NFASC: variants seen among roughly 807,000 people sequenced by gnomAD.
NFASC encodes the protein neurofascin.
Under a neutral mutation model 147.5 loss-of-function variants are expected in NFASC, and 43 were observed. That is an observed-to-expected ratio of 0.29 (90% CI 0.23 to 0.38). The LOEUF (loss-of-function observed/expected upper bound fraction) is 0.38, where lower values mean the gene tolerates loss of function less well. NFASC is among the 10% of genes least tolerant of loss of function. The probability of loss-of-function intolerance (pLI) is 1.00; values close to 1 mark genes in which losing one functional copy is unlikely to be tolerated. For synonymous variants in NFASC, 622 were observed against 665.5 expected (o/e 0.93, Z 1.01); for missense variants, 1,320 against 1,689.0 (o/e 0.78, Z 3.83).
At chr1:204,933,092 T>C (rs1471214619) in intron 2 of NFASC, among the ~76,000 whole-genome samples, 2 of 152,172 alleles carry the variant, frequency 1.3e-5, no homozygotes, top group African/African-American at 2.4e-5. Flanking sequence ...CCTTGAGTGC[T>C]GCACTCAGAA....
intron 3 of NFASC, 58 bp downstream of exon 3, chr1:204,944,464 A>C: frequency 2.7e-6 from 1 of 376,420 alleles, no homozygotes; most frequent in Non-Finnish European, 5.3e-6. Context: ...GAGGGGTGGG[A>C]GGGGAGGGAA....
In NFASC at chr1:204,869,563, G is replaced by C. The variant is rs948295584; in HGVS notation, c.-200+40781G>C. The stretch of plus-strand genomic sequence containing the variant: ...ATGAGAGTATTAAGAGTACAGGCCA[G>C]TTTCTTAGCATTTACCATATGTATT... On this transcript the variant is annotated intron_variant, in intron 1 of 29. Transcript: ENST00000339876. Among the ~76,000 whole-genome samples, 8 of 152,222 alleles carry C rather than the reference G, an allele frequency of 5.3e-5. 1 individual carries two copies. The highest frequency in any genetic ancestry group is 7.2e-5 in the African/African-American group (3 of 41,534).
chr1:204,859,100 C>G (rs989151358), intron 1 of NFASC, among the ~76,000 whole-genome samples: 1 of 152,024 alleles, frequency 6.6e-6, no homozygotes, highest in Non-Finnish European at 1.5e-5. Context: ...ACCTCAGTCT[C>G]TTGGGTAGCT....
rs1031888667 is a variant in NFASC at position 205,001,077 on chromosome 1, G to A, written c.3020-93G>A. On this transcript the variant is annotated intron_variant, in intron 25 of 29. Coordinates refer to ENST00000339876, the MANE Select transcript of NFASC (RefSeq NM_001005388.3). ...TGCGTGCGCGAGTGTGGGCATGTGC[G>A]TGCATGCACACGCTTGTGTGTATGT... The A allele has an allele frequency of 8.6e-5, 65 of 753,148 alleles. No individual in the cohort carries two copies. The East Asian group carries it at 8.8e-4, about 10-fold the overall frequency. 46.7% of individuals were successfully genotyped at this position (753,148 alleles called of 1,614,324 possible). A position where few individuals can be genotyped will look rare whatever the true frequency, so the allele number is the denominator to read the frequency against.
chr1:204,939,220 G>T (rs2093160818), intron 2 of NFASC, among the ~76,000 whole-genome samples: 1 of 151,828 alleles, frequency 6.6e-6, no homozygotes, highest in Admixed American at 6.6e-5. Flanking sequence ...CTCTCCCCCT[G>T]CCCCCTGCAA....
intron 7 of NFASC, among the ~76,000 whole-genome samples, chr1:204,957,077 G>A (rs1010522640): frequency 6.6e-6 from 1 of 152,162 alleles, no homozygotes; most frequent in African/African-American, 2.4e-5. Flanking sequence ...ATAATCAGTA[G>A]TGCTTTCTTC....
At position 205,009,600 on chromosome 1, in the gene NFASC, C is replaced by T; in HGVS notation, c.3333C>T (p.Phe1111=). 1.2e-6 allele frequency: 2 copies of T among 1,614,172 alleles called. No homozygotes were observed. Among genetic ancestry groups the T allele is most frequent in the Non-Finnish European group, 1.7e-6 (2 of 1,180,010 alleles). Residue 1111 remains phenylalanine, a synonymous_variant, in exon 28 of 30, where the codon TTC becomes TTT. Transcript: ENST00000339876. ...NQADIATQGW[F]IGLMCAIALL... is the part of the protein sequence containing the mutation. ...CGGACATCGCCACCCAGGGCTGGTT[C>T]ATTGGGCTTATGTGCGCCATCGCCC...
At chr1:204,956,456 C>T (rs2094436680) in intron 7 of NFASC, among the ~76,000 whole-genome samples, 1 of 152,222 alleles carries the variant, frequency 6.6e-6, no homozygotes, top group South Asian at 2.1e-4. Context: ...CTCAGCTCCC[C>T]TGTCTTTTCT....
intron 21 of NFASC, among the ~76,000 whole-genome samples, chr1:204,983,155 C>T (rs2095541118): frequency 6.6e-6 from 1 of 152,184 alleles, no homozygotes; most frequent in Non-Finnish European, 1.5e-5. Flanking sequence ...CGCTTCTACC[C>T]TGCGGCCCAC....
chr1:204,947,644 C>A lies in NFASC; in HGVS notation c.92-2913C>A, dbSNP rs149581013. Among the ~76,000 whole-genome samples, 720 of 130,132 alleles carry A rather than the reference C, an allele frequency of 5.5e-3. 9 individuals are homozygous for A. The highest frequency in any genetic ancestry group is 0.012 in the South Asian group (44 of 3,596). 85.4% of individuals were successfully genotyped at this position (130,132 alleles called of 152,430 possible). A position where few individuals can be genotyped will look rare whatever the true frequency, so the allele number is the denominator to read the frequency against. On this transcript the variant is annotated intron_variant, in intron 3 of 29. Transcript: ENST00000339876. ...CCTCCCTCCCTCCTTCCCTCCCTATCCAGCCCCAAGGAGAACAGTATGACC... is the reference window on the plus strand; with the variant it reads ...CCTCCCTCCCTCCTTCCCTCCCTATACAGCCCCAAGGAGAACAGTATGACC...
chr1:204,977,960 C>G (rs1300851627), intron 17 of NFASC, among the ~76,000 whole-genome samples: 3 of 152,216 alleles, frequency 2.0e-5, no homozygotes, highest in Admixed American at 1.3e-4. Flanking sequence ...TGTTTTACCC[C>G]ATCCCTTGCC....
chr1:204,969,968 C>G (rs2095165489), intron 10 of NFASC, among the ~76,000 whole-genome samples: 1 of 148,896 alleles, frequency 6.7e-6, no homozygotes, highest in African/African-American at 2.5e-5. Flanking sequence ...CTCAGCTACT[C>G]AAGAAGCTGA....
chr1:204,966,206 T>C (rs1229393978), intron 8 of NFASC, among the ~76,000 whole-genome samples: 1 of 152,168 alleles, frequency 6.6e-6, no homozygotes, highest in Non-Finnish European at 1.5e-5. Context: ...ACAGCTACAG[T>C]GTGTCAAGGC....
At position 204,968,299 on chromosome 1, in the gene NFASC, G is replaced by A. The variant is rs535350909; in HGVS notation, c.757G>A (p.Ala253Thr). ...AAGCTTCATGTATCCCCAGGGCACC[G>A]CGAGCAGCCAGATGGTGCTTCGTGG... ...TPSFMYPQGTASSQMVLRGMD... is the reference protein window; with the variant it reads ...TPSFMYPQGTTSSQMVLRGMD... The change falls in exon 9 of 30, where the codon GCG (alanine) becomes ACG (threonine). Residue 253 changes from alanine to threonine, a missense_variant. This residue lies in a region of NFASC where 981 missense variants were observed against 1,289.5 expected (regional missense o/e 0.76). Coordinates refer to ENST00000339876, the MANE Select transcript of NFASC (RefSeq NM_001005388.3). The surrounding 1 kb of genome is among the most constrained non-coding windows in gnomAD (Gnocchi z 5.4). 2.5e-5 allele frequency: 41 copies of A among 1,614,154 alleles called. No homozygotes were observed. The highest frequency in any genetic ancestry group is 1.0e-4 in the Admixed American group (6 of 60,026).
chr1:204,939,038 A>ATGTGTGTGTGTGTGTGTG (rs60166382), intron 2 of NFASC, among the ~76,000 whole-genome samples: 40 of 123,750 alleles, frequency 3.2e-4, no homozygotes, highest in African/African-American at 7.3e-4. Flanking sequence ...GTATGGATGG[A>ATGTGTGTGTGTGTGTGTG]TGTGTGTGTG....
chr1:204,860,306 G>A (rs2076549300), intron 1 of NFASC, among the ~76,000 whole-genome samples: 1 of 152,210 alleles, frequency 6.6e-6, no homozygotes, highest in Non-Finnish European at 1.5e-5. Context: ...CAACATGCCT[G>A]TCTCTAGTCC....
intron 1 of NFASC, among the ~76,000 whole-genome samples, chr1:204,906,828 C>A (rs1057475168): frequency 1.3e-5 from 2 of 151,920 alleles, no homozygotes; most frequent in African/African-American, 4.8e-5. Flanking sequence ...GGACTACAGG[C>A]ACCCGCCACC....
At chr1:204,859,520 G>T (rs2076485779) in intron 1 of NFASC, among the ~76,000 whole-genome samples, 1 of 152,184 alleles carries the variant, frequency 6.6e-6, no homozygotes, top group Non-Finnish European at 1.5e-5. Context: ...CCACATAGTG[G>T]GTGCCCAGTA....
rs771379204 is a variant in NFASC, at chr1:204,987,681, C to G, written c.2593+141C>G. The G allele has an allele frequency of 7.6e-6, 7 of 917,740 alleles. No homozygotes were observed. The highest frequency in any genetic ancestry group is 2.3e-4 in the Middle Eastern group (1 of 4,398). The allele number at this position is 917,740 out of a possible 1,614,324, so 56.8% of individuals were successfully genotyped here. On this transcript the variant is annotated intron_variant, in intron 22 of 29. Coordinates refer to ENST00000339876, the MANE Select transcript of NFASC (RefSeq NM_001005388.3). The surrounding 1 kb of genome is among the most constrained non-coding windows in gnomAD (Gnocchi z 4.4). The stretch of plus-strand genomic sequence containing the variant: ...GGATGGAGGGGCCAACGAAACAGTT[C>G]CCAATAGGATTAGGGGAGGCAGATG...
Sources: allele counts gnomAD v4.1 joint callset (sites outside exome capture counted in the v4.1 genomes callset), GRCh38; gene constraint gnomAD v4.1.1; regional missense constraint gnomAD v4.1.1; non-coding constraint Gnocchi (gnomAD v3.1); transcripts MANE v1.5; gene names NCBI Gene and HGNC (gene_info 2026-07-23, HGNC 2026-07-21).